Variants in ARPC4 observed in about 807,000 individuals in gnomAD.
The protein encoded by ARPC4 is actin-related protein 2/3 complex subunit 4.
In ARPC4, 3 loss-of-function variants were observed where a neutral mutation model predicts 22.8. The ratio of observed to expected loss-of-function variants is 0.13; its 90% CI spans 0.06 to 0.34. ARPC4 has a LOEUF of 0.34. Among genes scored for constraint, ARPC4 ranks in the 10% least tolerant of loss-of-function variants. ARPC4 has a pLI of 1.00. For synonymous variants in ARPC4, 80 were observed against 72.5 expected (o/e 1.10, Z -0.52); for missense variants, 98 against 211.0 (o/e 0.46, Z 3.32).
At chr3:9,792,884 T>C, upstream of ARPC4, 1 of 1,386,088 alleles carries the variant, frequency 7.2e-7, no homozygotes, top group Non-Finnish European at 9.3e-7. Context: ...CTGCACCCAT[T>C]CCTGGAGGAG....
chr3:9,800,145 C>A, intron 2 of ARPC4, 40 bp from the exon 3 acceptor site: 1 of 1,604,874 alleles, frequency 6.2e-7, no homozygotes, highest in Non-Finnish European at 8.5e-7. Context: ...ACTATTCTAT[C>A]CCTCTGTAGT....
Position 9,802,574 on chromosome 3 carries a change from A to C in ARPC4, c.330+818A>C, listed in dbSNP as rs563928148. On this transcript the variant is annotated intron_variant, in intron 4 of 5. Coordinates refer to ENST00000397261, the MANE Select transcript of ARPC4 (RefSeq NM_005718.5). ...GTATTTTTAGTAGAGACGGGGTTTC[A>C]CCATGTTAGCCAGGATGGTCTCGAT... is the stretch of plus-strand genomic sequence containing the variant. Among the ~76,000 whole-genome samples, 5 of 150,504 alleles carry C rather than the reference A, an allele frequency of 3.3e-5. No homozygotes were observed. In the East Asian group the frequency reaches 1.0e-3, roughly 30 times the overall value.
At chr3:9,796,854 G>T (rs892588957) in intron 1 of ARPC4, among the ~76,000 whole-genome samples, 12 of 150,912 alleles carry the variant, frequency 8.0e-5, no homozygotes, top group South Asian at 2.1e-4. Flanking sequence ...GGCAGGAGAA[G>T]GGCATGAACC....
intron 4 of ARPC4, 54 bp from the exon 5 acceptor site, chr3:9,803,789 T>A (rs2079059912): frequency 6.4e-7 from 1 of 1,561,814 alleles, no homozygotes; most frequent in Non-Finnish European, 8.8e-7. Context: ...TCCCATGGGG[T>A]GCTAATTCTC....
intron 5 of ARPC4, 105 bp from the exon 6 acceptor site, chr3:9,806,105 A>T (rs1175660932): frequency 1.5e-6 from 2 of 1,337,218 alleles, no homozygotes; most frequent in Admixed American, 3.4e-5. Context: ...TGCCCCTCAC[A>T]GATATGAGCA....
chr3:9,798,521 G>C (rs1284626469), intron 2 of ARPC4, among the ~76,000 whole-genome samples: 1 of 152,132 alleles, frequency 6.6e-6, no homozygotes, highest in Non-Finnish European at 1.5e-5. Flanking sequence ...GGGAAGCAGA[G>C]GTTGCAATGA....
At chr3:9,802,868 T>C (rs914145399) in intron 4 of ARPC4, among the ~76,000 whole-genome samples, 17 of 150,706 alleles carry the variant, frequency 1.1e-4, no homozygotes, top group African/African-American at 4.2e-4. Context: ...GTAGTTTCAT[T>C]GTGTTGGCTA....
intron 1 of ARPC4, among the ~76,000 whole-genome samples, 193 bp from the exon 2 acceptor site, chr3:9,797,466 T>G (rs1288686268): frequency 6.6e-6 from 1 of 152,156 alleles, no homozygotes; most frequent in Admixed American, 6.6e-5. Context: ...GCAGGCAAAA[T>G]TGTCTCCTGT....
intron 1 of ARPC4, among the ~76,000 whole-genome samples, chr3:9,795,541 C>T (rs546684247): frequency 1.6e-4 from 24 of 152,204 alleles, no homozygotes; most frequent in Admixed American, 3.9e-4. Flanking sequence ...CTCAGCCTAC[C>T]GCTGCAGCCT....
Position 9,806,467 on chromosome 3 carries a change from C to CGTCTT in ARPC4, c.*254_*258dup. ...CTGGGCCGGGACAGATTTTTTTTAA[C>CGTCTT]GTCTTGAAACTTAAACTCTGTGCTT... On this transcript the variant is annotated 3_prime_UTR_variant, in exon 6 of 6. Transcript: ENST00000397261. The CGTCTT allele has an allele frequency of 1.8e-6, 1 of 549,522 alleles. No individual in the cohort carries two copies. The highest frequency in any genetic ancestry group is 3.1e-5 in the Admixed American group (1 of 31,756). 34.0% of individuals were successfully genotyped at this position (549,522 alleles called of 1,614,324 possible). A position where few individuals can be genotyped will look rare whatever the true frequency, so the allele number is the denominator to read the frequency against.
At chr3:9,795,474 C>G (rs1201925583) in intron 1 of ARPC4, among the ~76,000 whole-genome samples, 2 of 152,100 alleles carry the variant, frequency 1.3e-5, no homozygotes, top group Non-Finnish European at 2.9e-5. Flanking sequence ...TTCCTTACCC[C>G]CTTAAGAGAA....
At chr3:9,804,847 C>T (rs572478152) in intron 5 of ARPC4, among the ~76,000 whole-genome samples, 4 of 152,310 alleles carry the variant, frequency 2.6e-5, no homozygotes, top group South Asian at 2.1e-4. Flanking sequence ...GTGCACAGGT[C>T]GGCATGGCTG....
chr3:9,806,321 T>G lies in ARPC4; in HGVS notation c.*106T>G. On this transcript the variant is annotated 3_prime_UTR_variant, in exon 6 of 6. Transcript: ENST00000397261. ...AGCGCGGCGGCGGCAGGGAGTTGGG[T>G]TGGGGTGGGCATTTGATGCGGGAGG... is the stretch of plus-strand genomic sequence containing the variant. 1.5e-6 allele frequency: 2 copies of G among 1,341,724 alleles called. No individual in the cohort carries two copies. Among genetic ancestry groups the G allele is most frequent in the Non-Finnish European group, 2.1e-6 (2 of 932,090 alleles). The allele number at this position is 1,341,724 out of a possible 1,614,324, so 83.1% of individuals were successfully genotyped here.
chr3:9,798,577 C>CA (rs2078944178), intron 2 of ARPC4, among the ~76,000 whole-genome samples: 1 of 151,312 alleles, frequency 6.6e-6, no homozygotes, highest in South Asian at 2.1e-4. Context: ...GACCCTGTCT[C>CA]AAAAAATAAG....
intron 1 of ARPC4, among the ~76,000 whole-genome samples, chr3:9,795,280 G>A (rs1375612349): frequency 2.6e-5 from 4 of 152,120 alleles, no homozygotes; most frequent in South Asian, 2.1e-4. Flanking sequence ...GATTACAGGC[G>A]TGAGCCCCTG....
chr3:9,797,584 G>C lies in ARPC4; in HGVS notation c.4-75G>C. 6 of 1,525,790 alleles carry C rather than the reference G, an allele frequency of 3.9e-6. No individual in the cohort carries two copies. The South Asian group carries it at 7.2e-5, about 18-fold the overall frequency. 94.5% of individuals were successfully genotyped at this position (1,525,790 alleles called of 1,614,324 possible). On this transcript the variant is annotated intron_variant, in intron 1 of 5. Transcript: ENST00000397261. ...CCCTCAGTGCTACCTGGCTTCATGG[G>C]AGCTGGAATAGGGGATCGGTGGGTT...
intron 3 of ARPC4, 69 bp from the exon 4 acceptor site, chr3:9,801,592 C>T: frequency 6.8e-7 from 1 of 1,470,518 alleles, no homozygotes; most frequent in South Asian, 1.3e-5. Flanking sequence ...AGTCAGAAGA[C>T]CAGGCTACAA....
At chr3:9,795,242 C>T (rs575655310) in intron 1 of ARPC4, among the ~76,000 whole-genome samples, 1 of 152,282 alleles carries the variant, frequency 6.6e-6, no homozygotes, top group South Asian at 2.1e-4. Flanking sequence ...TGAGGTGGTC[C>T]ACCCACCTCG....
chr3:9,801,231 A>G (rs2079003685), intron 3 of ARPC4, among the ~76,000 whole-genome samples: 1 of 148,372 alleles, frequency 6.7e-6, no homozygotes, highest in African/African-American at 2.6e-5. Context: ...AAAAAAAAAA[A>G]AAAAAAGAAA....
Sources: allele counts gnomAD v4.1 joint callset (sites outside exome capture counted in the v4.1 genomes callset), GRCh38; gene constraint gnomAD v4.1.1; transcripts MANE v1.5; gene names NCBI Gene and HGNC (gene_info 2026-07-23, HGNC 2026-07-21).